The following NEXN variants were observed in gnomAD, a reference collection of about 807,000 sequenced individuals.
NEXN encodes the protein nexilin.
Under a neutral mutation model 92.6 loss-of-function variants are expected in NEXN, and 65 were observed. The ratio of observed to expected loss-of-function variants is 0.70; its 90% CI spans 0.57 to 0.86. NEXN has a LOEUF of 0.86. Ranked by LOEUF, NEXN falls within the 40% of genes least tolerant of loss-of-function variation. NEXN has a pLI of 0.00. For synonymous variants in NEXN, 254 were observed against 242.5 expected (o/e 1.05, Z -0.44); for missense variants, 778 against 771.1 (o/e 1.01, Z -0.11).
At chr1:77,926,635 C>A (rs1433346310) in intron 7 of NEXN, 24 bp downstream of exon 7, 1 of 1,613,732 alleles carries the variant, frequency 6.2e-7, no homozygotes, top group Non-Finnish European at 8.5e-7. Context: ...TGTTTGTTTT[C>A]TAAGAAACAA....
Position 77,926,935 on chromosome 1 carries a change from T to G in NEXN, c.864+43T>G, listed in dbSNP as rs77342708. 972 of 1,611,208 alleles carry G rather than the reference T, an allele frequency of 6.0e-4. 11 individuals are homozygous for G. In the East Asian group the frequency reaches 0.021, roughly 35 times the overall value. On this transcript the variant is annotated intron_variant, in intron 8 of 12. Transcript: ENST00000334785. ...AACCTTACAATTAATATTAATGAAG[T>G]TAGCCGACTTAAGATAAGGTTTACT... is the stretch of plus-strand genomic sequence containing the variant.
intron 1 of NEXN, among the ~76,000 whole-genome samples, chr1:77,896,994 G>C (rs971697741): frequency 2.6e-5 from 4 of 152,086 alleles, no homozygotes. Context: ...CCAATAACAG[G>C]CTCTGAAGTT....
intron 1 of NEXN, among the ~76,000 whole-genome samples, chr1:77,891,866 C>A (rs900773947): frequency 6.6e-6 from 1 of 151,620 alleles, no homozygotes; most frequent in African/African-American, 2.4e-5. Context: ...TCCCTTGAGC[C>A]CAGGAGTTCA....
intron 1 of NEXN, among the ~76,000 whole-genome samples, chr1:77,914,852 C>T (rs571572277): frequency 5.7e-4 from 82 of 142,962 alleles, no homozygotes; most frequent in Admixed American, 2.1e-3. Flanking sequence ...AGCGAAACTA[C>T]GTCTCAAAAA....
chr1:77,938,753 G>C (rs1286010594), intron 11 of NEXN, among the ~76,000 whole-genome samples: 2 of 152,170 alleles, frequency 1.3e-5, no homozygotes, highest in Non-Finnish European at 2.9e-5. Context: ...GAGTGTGAAG[G>C]CTGAATAAAA....
At chr1:77,893,324 C>T (rs982459411) in intron 1 of NEXN, among the ~76,000 whole-genome samples, 3 of 152,098 alleles carry the variant, frequency 2.0e-5, no homozygotes, top group African/African-American at 7.2e-5. Flanking sequence ...CTATTCCCAG[C>T]TGTGTCCTTC....
At chr1:77,921,911 T>G (rs1423880708) in intron 5 of NEXN, among the ~76,000 whole-genome samples, 1 of 152,050 alleles carries the variant, frequency 6.6e-6, no homozygotes, top group Non-Finnish European at 1.5e-5. Flanking sequence ...AAGACCCTGC[T>G]GTCTCTACAA....
rs532709272 is a variant in NEXN at position 77,923,542 on chromosome 1, T to C, written c.448-1646T>C. Among the ~76,000 whole-genome samples the C allele has an allele frequency of 3.9e-5, 6 of 152,252 alleles. No homozygotes were observed. In the South Asian group the frequency reaches 1.2e-3, roughly 32 times the overall value. ...CCATTTTCCCATTGCTTTTGTTTTC[T>C]TTTCCTGAGATCTTAAACACTGCAT... On this transcript the variant is annotated intron_variant, in intron 5 of 12. Coordinates refer to ENST00000334785, the MANE Select transcript of NEXN (RefSeq NM_144573.4).
At position 77,942,460 on chromosome 1, in the gene NEXN, GAA is replaced by G; in HGVS notation, c.1662_1663del (p.Glu556ArgfsTer8). 1 of 1,613,114 alleles carries G rather than the reference GAA, an allele frequency of 6.2e-7. No individual in the cohort carries two copies. Among genetic ancestry groups the G allele is most frequent in the African/African-American group, 1.3e-5 (1 of 74,994 alleles). Reference protein sequence around the residue: ...QREIDAALQKKREEEEEEEGS... With the variant: ...QREIDAALQKXREEEEEEEGS... ...ACCTGAATGCATTTATTTTAATACA[GAA>G]AAGAGAAGAGGAGGAGGAGGAAGAA... On this transcript the variant is annotated frameshift_variant and splice_region_variant, in exon 13 of 13. Coordinates refer to ENST00000334785, the MANE Select transcript of NEXN (RefSeq NM_144573.4). LOFTEE classifies it high-confidence loss of function.
chr1:77,911,610 A>T (rs957465404), intron 1 of NEXN, among the ~76,000 whole-genome samples: 3 of 151,712 alleles, frequency 2.0e-5, no homozygotes. Context: ...AAACAAAACA[A>T]CTTTGCTTCA....
At chr1:77,904,954 C>G (rs1647998228) in intron 1 of NEXN, among the ~76,000 whole-genome samples, 1 of 152,144 alleles carries the variant, frequency 6.6e-6, no homozygotes, top group Non-Finnish European at 1.5e-5. Context: ...GAGTGCCTGG[C>G]ATAGTAGATG....
chr1:77,890,265 A>T (rs955744581), intron 1 of NEXN, among the ~76,000 whole-genome samples: 3 of 152,242 alleles, frequency 2.0e-5, no homozygotes, highest in African/African-American at 7.2e-5. Flanking sequence ...TATGTAGTTT[A>T]TCTGCAATTC....
chr1:77,911,622 G>A (rs976064442), intron 1 of NEXN, among the ~76,000 whole-genome samples: 2 of 151,812 alleles, frequency 1.3e-5, no homozygotes, highest in African/African-American at 4.8e-5. Flanking sequence ...TTTGCTTCAT[G>A]CAAAAGTTAT....
chr1:77,902,973 G>T (rs1647837395), intron 1 of NEXN, among the ~76,000 whole-genome samples: 1 of 152,254 alleles, frequency 6.6e-6, no homozygotes, highest in East Asian at 1.9e-4. Context: ...AAATAGATTT[G>T]TCTAGCTGGA....
chr1:77,911,132 C>T lies in NEXN; in HGVS notation c.-52-4923C>T, dbSNP rs188158498. 1.0e-3 allele frequency among the ~76,000 whole-genome samples: 154 copies of T among 152,250 alleles called. 1 individual carries two copies. Among genetic ancestry groups the T allele is most frequent in the African/African-American group, 3.5e-3 (145 of 41,544 alleles). On this transcript the variant is annotated intron_variant, in intron 1 of 12. Coordinates refer to ENST00000334785, the MANE Select transcript of NEXN (RefSeq NM_144573.4). ...TTTGGATTAAAGGAATGAGATACAG[C>T]GCCTGGCCCCAAAATTATACTTCTG...
At chr1:77,934,834 G>T (rs1188435625) in intron 10 of NEXN, among the ~76,000 whole-genome samples, 1 of 152,174 alleles carries the variant, frequency 6.6e-6, no homozygotes, top group Non-Finnish European at 1.5e-5. Flanking sequence ...CAACTTGGAG[G>T]GGTCCTCTCA....
Position 77,899,329 on chromosome 1 carries a change from T to TA in NEXN, c.-53+10576dup, listed in dbSNP as rs557136059. 1.6e-3 allele frequency among the ~76,000 whole-genome samples: 240 copies of TA among 151,930 alleles called. 1 individual carries two copies. The highest frequency in any genetic ancestry group is 5.7e-3 in the African/African-American group (237 of 41,410). On this transcript the variant is annotated intron_variant, in intron 1 of 12. Coordinates refer to ENST00000334785, the MANE Select transcript of NEXN (RefSeq NM_144573.4). ...TACACCATGGAATACTATGCAGCCATAAAAAATGATGAGTTCATGTCCTTT... is the reference window on the plus strand; with the variant it reads ...TACACCATGGAATACTATGCAGCCATAAAAAAATGATGAGTTCATGTCCTTT...
At chr1:77,915,643 A>C (rs1557972453) in intron 1 of NEXN, among the ~76,000 whole-genome samples, 1 of 152,138 alleles carries the variant, frequency 6.6e-6, no homozygotes, top group Non-Finnish European at 1.5e-5. Flanking sequence ...AAAAACAAAA[A>C]CAAAACAAAA....
rs901036538 is a variant in NEXN at position 77,924,657 on chromosome 1, G to GT, written c.448-522dup. ...GGTAGGCTTTATCTTAATTTTTTCT[G>GT]TTTTTTTTTCTTTTTTTCTTGAAAC... is the stretch of plus-strand genomic sequence containing the variant. On this transcript the variant is annotated intron_variant, in intron 5 of 12. Coordinates refer to ENST00000334785, the MANE Select transcript of NEXN (RefSeq NM_144573.4). Among the ~76,000 whole-genome samples, 154 of 37,750 alleles carry GT rather than the reference G, an allele frequency of 4.1e-3. 1 individual carries two copies. The highest frequency in any genetic ancestry group is 0.016 in the Middle Eastern group (1 of 62). 24.8% of individuals were successfully genotyped at this position (37,750 alleles called of 152,430 possible). A position where few individuals can be genotyped will look rare whatever the true frequency, so the allele number is the denominator to read the frequency against.
Sources: allele counts gnomAD v4.1 joint callset (sites outside exome capture counted in the v4.1 genomes callset), GRCh38; gene constraint gnomAD v4.1.1; transcripts MANE v1.5; gene names NCBI Gene and HGNC (gene_info 2026-07-23, HGNC 2026-07-21).